The following CAPN14 variants were observed in gnomAD, a reference collection of about 807,000 sequenced individuals.
CAPN14 encodes calpain-14.
A neutral mutation model predicts 101.3 loss-of-function variants in CAPN14; 94 were observed. The observed-to-expected ratio is 0.93, with a 90% CI of 0.79 to 1.10. The LOEUF is 1.10. Among genes scored for constraint, CAPN14 ranks in the 50% least tolerant of loss-of-function variants. The pLI is 0.00. For missense variants in CAPN14, 837 were observed against 828.4 expected (o/e 1.01, Z -0.13); for synonymous variants, 338 against 317.9 (o/e 1.06, Z -0.67).
Position 31,202,125 on chromosome 2 carries a change from G to A in CAPN14, c.414+9C>T, listed in dbSNP as rs762945201. The A allele has an allele frequency of 3.2e-6, 5 of 1,551,206 alleles. No individual in the cohort carries two copies. Among genetic ancestry groups the A allele is most frequent in the Non-Finnish European group, 4.4e-6 (5 of 1,146,402 alleles). On this transcript the variant is annotated intron_variant, in intron 4 of 21. Coordinates refer to ENST00000403897, the MANE Select transcript of CAPN14 (RefSeq NM_001145122.2). ...TCCCTCTGGGCTGAGGACCCGGGAAGACACTCACCCAGAACCGGAAGATGC... is the reference window on the plus strand; with the variant it reads ...TCCCTCTGGGCTGAGGACCCGGGAAAACACTCACCCAGAACCGGAAGATGC...
chr2:31,191,430 G>GAA (rs76201003), intron 11 of CAPN14, 23 bp from the exon 12 acceptor site: 9,323 of 1,249,274 alleles, frequency 7.5e-3, no homozygotes, highest in South Asian at 0.014. Flanking sequence ...AACAAAAACA[G>GAA]AAAAAAAAAA....
intron 19 of CAPN14, among the ~76,000 whole-genome samples, chr2:31,177,485 T>A (rs1558608960): frequency 1.3e-5 from 2 of 152,108 alleles, no homozygotes; most frequent in Non-Finnish European, 2.9e-5. Context: ...GAGCTTCAAT[T>A]TCTTCCTCTG....
At chr2:31,211,196 A>AAAAGAAAG (rs1245898795) in intron 1 of CAPN14, among the ~76,000 whole-genome samples, 1 of 150,508 alleles carries the variant, frequency 6.6e-6, no homozygotes, top group Non-Finnish European at 1.5e-5. Flanking sequence ...AAAGAAAGAA[A>AAAAGAAAG]AAAGAAAGAA....
At chr2:31,200,364 C>T in intron 6 of CAPN14, 87 bp downstream of exon 6, 2 of 1,262,366 alleles carry the variant, frequency 1.6e-6, no homozygotes, top group Non-Finnish European at 2.2e-6. Flanking sequence ...AGGCCCTGAG[C>T]CCACACCCAG....
Position 31,188,216 on chromosome 2 carries a change from T to A in CAPN14, c.1530+102A>T, listed in dbSNP as rs1200652552. ...TGCCATAGAACAGGGTCTGTAAGGA[T>A]CCGCATATCTCCTCCCCTGACTCCT... On this transcript the variant is annotated intron_variant, in intron 14 of 21. Coordinates refer to ENST00000403897, the MANE Select transcript of CAPN14 (RefSeq NM_001145122.2). 4 of 987,718 alleles carry A rather than the reference T, an allele frequency of 4.0e-6. No homozygotes were observed. The South Asian group carries it at 4.1e-5, about 10-fold the overall frequency. The allele number at this position is 987,718 out of a possible 1,614,324, so 61.2% of individuals were successfully genotyped here. A position where few individuals can be genotyped will look rare whatever the true frequency, so the allele number is the denominator to read the frequency against.
At chr2:31,180,021 T>C in intron 17 of CAPN14, among the ~76,000 whole-genome samples, 1 of 152,216 alleles carries the variant, frequency 6.6e-6, no homozygotes. Context: ...CTTTTACATT[T>C]TTTTAAGTTT....
chr2:31,188,726 A>T (rs546768974), intron 13 of CAPN14, among the ~76,000 whole-genome samples: 31 of 152,354 alleles, frequency 2.0e-4, no homozygotes, highest in African/African-American at 7.5e-4. Flanking sequence ...ATCATAGGCA[A>T]AATAATATGT....
At chr2:31,217,568 G>T (rs1040698571), upstream of CAPN14, 2 of 152,252 alleles carry the variant, frequency 1.3e-5, no homozygotes, top group Non-Finnish European at 2.9e-5. Context: ...TACACATGGT[G>T]TTTAGCCAAG....
chr2:31,212,241 T>G (rs967002572), intron 1 of CAPN14, among the ~76,000 whole-genome samples: 1 of 147,042 alleles, frequency 6.8e-6, no homozygotes, highest in East Asian at 2.0e-4. Context: ...ACCTGGGAGG[T>G]GGAGGTTGCA....
At chr2:31,202,961 T>A in intron 3 of CAPN14, 109 bp downstream of exon 3, 1 of 887,804 alleles carries the variant, frequency 1.1e-6, no homozygotes, top group South Asian at 1.6e-5. Context: ...ATTTTGGGCC[T>A]CTCTCCAGTG....
intron 1 of CAPN14, among the ~76,000 whole-genome samples, chr2:31,207,375 C>G (rs1170165268): frequency 6.6e-6 from 1 of 152,150 alleles, no homozygotes; most frequent in African/African-American, 2.4e-5. Context: ...TAGTGAAGGG[C>G]CTATGTTCTT....
chr2:31,225,354 T>C (rs1181833157), intron 2 of CAPN14, among the ~76,000 whole-genome samples: 5 of 151,976 alleles, frequency 3.3e-5, no homozygotes, highest in Admixed American at 2.0e-4. Context: ...AATAATAACA[T>C]ACAGGGCTGG....
At chr2:31,223,542 C>A (rs796814649) in intron 2 of CAPN14, among the ~76,000 whole-genome samples, 1 of 132,078 alleles carries the variant, frequency 7.6e-6, no homozygotes. Flanking sequence ...TTTTTCTTTT[C>A]TTTTTTTTTT....
chr2:31,210,379 C>T (rs913502676), intron 1 of CAPN14, among the ~76,000 whole-genome samples: 1 of 152,074 alleles, frequency 6.6e-6, no homozygotes, highest in Admixed American at 6.6e-5. Flanking sequence ...ACCCGGGAGG[C>T]GGAGCTTGCA....
At chr2:31,187,716 C>T (rs751625620) in intron 15 of CAPN14, 42 bp downstream of exon 15, 2 of 1,499,234 alleles carry the variant, frequency 1.3e-6, no homozygotes, top group South Asian at 1.2e-5. Flanking sequence ...TCCACTTCGT[C>T]CCCTGCTCTT....
At chr2:31,226,406 T>A (rs1296760231) in intron 2 of CAPN14, 1 of 152,210 alleles carries the variant, frequency 6.6e-6, no homozygotes, top group Non-Finnish European at 1.5e-5. Context: ...AAAAGCCACA[T>A]CAGGAATGAG....
At chr2:31,202,021 G>A (rs1423576572) in intron 4 of CAPN14, 23 bp from the exon 5 acceptor site, 26 of 1,551,022 alleles carry the variant, frequency 1.7e-5, no homozygotes, top group Middle Eastern at 3.3e-4. Flanking sequence ...AGTGGCCCCG[G>A]GTGAATGAGG....
Position 31,189,435 on chromosome 2 carries a change from C to G in CAPN14, c.1331G>C (p.Arg444Thr). Reference sequence around the variant, plus strand: ...ATCAGGCTGGCTCAGAGGAGTGTTTCTCTGGAAGAACTCAGGGGGCAGTCT... The same window carrying G: ...ATCAGGCTGGCTCAGAGGAGTGTTTGTCTGGAAGAACTCAGGGGGCAGTCT... ...QRRLPPEFFQ[R>T]NTPLSQPDRF... is the part of the protein sequence containing the mutation. Residue 444 changes from arginine to threonine, a missense_variant, in exon 13 of 22, where the codon AGA becomes ACA. Transcript: ENST00000403897. 1.3e-6 allele frequency: 2 copies of G among 1,551,704 alleles called. No homozygotes were observed. Among genetic ancestry groups the G allele is most frequent in the Non-Finnish European group, 8.7e-7 (1 of 1,146,992 alleles).
chr2:31,225,119 T>C (rs1190850833), intron 2 of CAPN14, among the ~76,000 whole-genome samples: 1 of 151,798 alleles, frequency 6.6e-6, no homozygotes, highest in African/African-American at 2.4e-5. Flanking sequence ...TTCAAAACAA[T>C]ACGAAAAACA....
Sources: gnomAD v4.1 joint callset for allele counts (sites outside exome capture counted in the v4.1 genomes callset) on GRCh38, gnomAD v4.1.1 for gene constraint, MANE v1.5 for transcripts, NCBI Gene and HGNC (gene_info 2026-07-23, HGNC 2026-07-21) for gene names.